SUCO: variants seen among roughly 807,000 people sequenced by gnomAD.
SUCO encodes the protein SUN domain containing ossification factor, also known as SUN domain-containing ossification factor.
A neutral mutation model predicts 148.1 loss-of-function variants in SUCO; 57 were observed. That is an observed-to-expected ratio of 0.38 (90% CI 0.31 to 0.48). SUCO has a LOEUF of 0.48. Ranked by LOEUF, SUCO falls within the 20% of genes least tolerant of loss-of-function variation. The pLI is 0.96. For missense variants in SUCO, 1,331 were observed against 1,468.2 expected, an observed-to-expected ratio of 0.91 and a Z score of 1.53; for synonymous variants, 470 against 502.7, an observed-to-expected ratio of 0.93 and a Z score of 0.87.
intron 3 of SUCO, chr1:172,555,225 T>G (rs114968821): frequency 6.1e-6 from 1 of 164,482 alleles, no homozygotes; most frequent in Non-Finnish European, 1.3e-5. Context: ...TGAGTTGTTA[T>G]AGATGCAGTG....
intron 19 of SUCO, among the ~76,000 whole-genome samples, chr1:172,595,931 G>C (rs1422962167): frequency 6.6e-6 from 1 of 152,016 alleles, no homozygotes; most frequent in African/African-American, 2.4e-5. Context: ...ATGTAGATTT[G>C]GTCTTTTCAC....
chr1:172,538,210 G>C (rs1009859940), intron 1 of SUCO, among the ~76,000 whole-genome samples: 1 of 149,720 alleles, frequency 6.7e-6, no homozygotes, highest in Admixed American at 6.7e-5. Flanking sequence ...GGAGGCACGA[G>C]GTCCTAAGTC....
intron 3 of SUCO, among the ~76,000 whole-genome samples, chr1:172,553,677 A>T (rs1421385164): frequency 3.3e-5 from 5 of 151,990 alleles, no homozygotes; most frequent in Non-Finnish European, 7.4e-5. Flanking sequence ...TTGTTAAGAA[A>T]TTTTTTTCTA....
intron 1 of SUCO, among the ~76,000 whole-genome samples, chr1:172,548,022 TAC>T (rs1652991424): frequency 6.6e-6 from 1 of 151,954 alleles, no homozygotes; most frequent in Non-Finnish European, 1.5e-5. Flanking sequence ...TTTTTTTTTG[TAC>T]TATGCTGCCT....
intron 22 of SUCO, chr1:172,608,156 T>C (rs188309044): frequency 2.3e-6 from 2 of 863,160 alleles, no homozygotes; most frequent in East Asian, 2.4e-4. Context: ...GAAGTGTTCA[T>C]TCATTATTGC....
intron 1 of SUCO, among the ~76,000 whole-genome samples, chr1:172,533,778 AC>A (rs1165420849): frequency 6.6e-6 from 1 of 151,944 alleles, no homozygotes; most frequent in Non-Finnish European, 1.5e-5. Flanking sequence ...CAGTTCCTCT[AC>A]CCCTTGGAGA....
At position 172,600,073 on chromosome 1, in the gene SUCO, C is replaced by G. The variant is rs1370922939; in HGVS notation, c.2923C>G (p.Gln975Glu). The change falls in exon 20 of 24, where the codon CAA becomes GAA. Residue 975 changes from glutamine (Q) to glutamate (E), a missense_variant. Transcript: ENST00000263688. ...AATTCCTTTATCATAGGATCAGCGGCAAACTGAAGCCATCCAGTTGCTACA... is the reference window on the plus strand; with the variant it reads ...AATTCCTTTATCATAGGATCAGCGGGAAACTGAAGCCATCCAGTTGCTACA... The part of the protein sequence containing the change: ...SRIAEEQDQR[Q>E]TEAIQLLQAQ... 6.2e-7 allele frequency: 1 copy of G among 1,600,510 alleles called. No individual in the cohort carries two copies. The highest frequency in any genetic ancestry group is 2.3e-5 in the East Asian group (1 of 44,396).
At chr1:172,562,344 T>TTA (rs1654230127) in intron 6 of SUCO, among the ~76,000 whole-genome samples, 1 of 151,424 alleles carries the variant, frequency 6.6e-6, no homozygotes, top group South Asian at 2.1e-4. Context: ...TTTTTTTTTT[T>TTA]TTTATTTTGA....
chr1:172,588,051 A>C, intron 17 of SUCO: 1 of 979,398 alleles, frequency 1.0e-6, no homozygotes, highest in South Asian at 4.7e-5. Flanking sequence ...CATAAGCCAG[A>C]ATTGTTATTA....
chr1:172,572,656 G>A (rs1655119489), intron 9 of SUCO, among the ~76,000 whole-genome samples: 1 of 120,932 alleles, frequency 8.3e-6, no homozygotes, highest in African/African-American at 3.3e-5. Flanking sequence ...CTATGACCCT[G>A]CCAAATCCCC....
At chr1:172,532,398 T>C (rs1205140557), upstream of SUCO, 11 of 1,160,790 alleles carry the variant, frequency 9.5e-6, no homozygotes, top group Non-Finnish European at 1.3e-5. Context: ...ACACTTAAAG[T>C]GAGGAACCCG....
In SUCO at chr1:172,542,651, C is replaced by T. The variant is rs187682680; in HGVS notation, c.63-8861C>T. Reference sequence around the variant, plus strand: ...ACTCCTTATGAGAATCTAATGGCCCCCCACCCCATCCATGGCAAAGTAGTC... The same window carrying T: ...ACTCCTTATGAGAATCTAATGGCCCTCCACCCCATCCATGGCAAAGTAGTC... On this transcript the variant is annotated intron_variant, in intron 1 of 23. Transcript: ENST00000263688. 94 of 806,618 alleles carry T rather than the reference C, an allele frequency of 1.2e-4. No individual in the cohort carries two copies. In the African/African-American group the frequency reaches 1.8e-3, roughly 15 times the overall value. The allele number at this position is 806,618 out of a possible 1,614,324, so 50.0% of individuals were successfully genotyped here.
chr1:172,609,408 A>G (rs1658068777), intron 23 of SUCO: 30 of 949,160 alleles, frequency 3.2e-5, no homozygotes, highest in East Asian at 1.2e-4. Flanking sequence ...TGCTTACTAC[A>G]TTGTAACTTG....
At chr1:172,570,244 C>T in intron 8 of SUCO, 73 bp downstream of exon 8, 4 of 855,902 alleles carry the variant, frequency 4.7e-6, no homozygotes, top group Non-Finnish European at 6.9e-6. Context: ...TATTTGTTTA[C>T]TGGGAACTAT....
intron 1 of SUCO, among the ~76,000 whole-genome samples, chr1:172,544,504 A>G (rs1427931711): frequency 3.9e-5 from 6 of 152,218 alleles, no homozygotes; most frequent in Non-Finnish European, 5.9e-5. Flanking sequence ...GATTGTGGAA[A>G]TCAGGAAAAT....
intron 1 of SUCO, among the ~76,000 whole-genome samples, chr1:172,535,131 T>C (rs1333031431): frequency 6.6e-6 from 1 of 152,238 alleles, no homozygotes; most frequent in East Asian, 1.9e-4. Flanking sequence ...TCATTAGCTC[T>C]AGTGAAGAGC....
chr1:172,537,698 C>T (rs1369352188), intron 1 of SUCO, among the ~76,000 whole-genome samples: 1 of 152,162 alleles, frequency 6.6e-6, no homozygotes, highest in African/African-American at 2.4e-5. Context: ...TCTATTCTTC[C>T]TTCACCCCAA....
At chr1:172,570,638 G>T in intron 8 of SUCO, 25 bp from the exon 9 acceptor site, 1 of 1,432,540 alleles carries the variant, frequency 7.0e-7, no homozygotes, top group Non-Finnish European at 9.8e-7. Flanking sequence ...TAAGTAATTT[G>T]TTTCCTTTCC....
Position 172,545,759 on chromosome 1 carries a change from G to T in SUCO, c.63-5753G>T, listed in dbSNP as rs536519778. ...GAAAAGGTAGTGGCTGATAATAACT[G>T]ACATTTCAGCACATATTCTGTGCCA... On this transcript the variant is annotated intron_variant, in intron 1 of 23. Coordinates refer to ENST00000263688, the MANE Select transcript of SUCO (RefSeq NM_014283.5). Among the ~76,000 whole-genome samples, 3 of 152,250 alleles carry T rather than the reference G, an allele frequency of 2.0e-5. No individual in the cohort carries two copies. In the East Asian group the frequency reaches 5.8e-4, roughly 29 times the overall value.
Sources: gnomAD v4.1 joint callset for allele counts (sites outside exome capture counted in the v4.1 genomes callset) on GRCh38, gnomAD v4.1.1 for gene constraint, MANE v1.5 for transcripts, NCBI Gene and HGNC (gene_info 2026-07-23, HGNC 2026-07-21) for gene names.